Variants in ARHGAP44 observed in about 807,000 individuals in gnomAD.
The protein encoded by ARHGAP44 is rho GTPase-activating protein 44.
A neutral mutation model predicts 106.8 loss-of-function variants in ARHGAP44; 43 were observed. That is an observed-to-expected ratio of 0.40 (90% confidence interval 0.32 to 0.52). The LOEUF (loss-of-function observed/expected upper bound fraction) is 0.52. Among genes scored for constraint, ARHGAP44 ranks in the 20% least tolerant of loss-of-function variants. ARHGAP44 has a pLI of 0.48. For synonymous variants in ARHGAP44, 439 were observed against 410.3 expected, an observed-to-expected ratio of 1.07 and a Z score of -0.85; for missense variants, 866 against 1,050.5, an observed-to-expected ratio of 0.82 and a Z score of 2.43.
At chr17:12,897,544 A>G (rs1236108650) in intron 3 of ARHGAP44, among the ~76,000 whole-genome samples, 2 of 151,970 alleles carry the variant, frequency 1.3e-5, no homozygotes, top group Non-Finnish European at 2.9e-5. Flanking sequence ...TATCTATAGA[A>G]ATAATTCTGC....
intron 1 of ARHGAP44, among the ~76,000 whole-genome samples, chr17:12,845,806 A>G (rs541101042): frequency 3.3e-5 from 5 of 149,812 alleles, no homozygotes; most frequent in East Asian, 1.9e-4. Flanking sequence ...GATATTTACA[A>G]CACACACACG....
At chr17:12,792,959 G>A (rs547137431) in intron 1 of ARHGAP44, among the ~76,000 whole-genome samples, 2 of 152,284 alleles carry the variant, frequency 1.3e-5, no homozygotes, top group East Asian at 1.9e-4. Flanking sequence ...TAGTCTGCAC[G>A]TGTTCCTTCT....
intron 5 of ARHGAP44, among the ~76,000 whole-genome samples, 181 bp from the exon 6 acceptor site, chr17:12,919,574 C>T (rs555882802): frequency 9.2e-5 from 14 of 152,080 alleles, no homozygotes; most frequent in South Asian, 8.3e-4. Flanking sequence ...TTAGTAGAGT[C>T]GGAGTTTCGC....
At chr17:12,924,906 C>T (rs1469885610) in intron 6 of ARHGAP44, among the ~76,000 whole-genome samples, 1 of 152,098 alleles carries the variant, frequency 6.6e-6, no homozygotes, top group African/African-American at 2.4e-5. Context: ...TTATGGAAGC[C>T]CTACCTTCTT....
At chr17:12,932,126 T>G (rs776617177) in intron 7 of ARHGAP44, among the ~76,000 whole-genome samples, 32 of 152,192 alleles carry the variant, frequency 2.1e-4, no homozygotes, top group Admixed American at 1.5e-3. Context: ...GAAATTGCAT[T>G]TTACATTTCA....
At chr17:12,886,047 G>T (rs999511343) in intron 1 of ARHGAP44, among the ~76,000 whole-genome samples, 2 of 152,040 alleles carry the variant, frequency 1.3e-5, no homozygotes, top group African/African-American at 4.8e-5. Context: ...ATGGGCCAGG[G>T]TTCATAGTTT....
At chr17:12,818,802 T>C (rs527742282) in intron 1 of ARHGAP44, among the ~76,000 whole-genome samples, 1 of 152,176 alleles carries the variant, frequency 6.6e-6, no homozygotes, top group South Asian at 2.1e-4. Context: ...AGACATAGCA[T>C]ATTCGAGATT....
chr17:12,943,520 T>A, intron 8 of ARHGAP44, 68 bp from the exon 9 acceptor site: 1 of 1,502,630 alleles, frequency 6.7e-7, no homozygotes, highest in South Asian at 1.1e-5. Context: ...TGCAAAATGC[T>A]TTGCATGCCA....
chr17:12,824,822 GTGT>G (rs546395951), intron 1 of ARHGAP44, among the ~76,000 whole-genome samples: 104 of 151,604 alleles, frequency 6.9e-4, no homozygotes, highest in African/African-American at 2.5e-3. Context: ...CCTTCTGCTT[GTGT>G]TGTTCTCTGC....
chr17:12,887,641 A>G (rs1256013846), intron 1 of ARHGAP44, among the ~76,000 whole-genome samples: 1 of 151,452 alleles, frequency 6.6e-6, no homozygotes, highest in Non-Finnish European at 1.5e-5. Flanking sequence ...AAGTAGTATT[A>G]GATTCATAAA....
chr17:12,894,994 G>T lies in ARHGAP44; in HGVS notation c.93+15G>T. On this transcript the variant is annotated intron_variant, in intron 2 of 20. Coordinates refer to ENST00000379672, the MANE Select transcript of ARHGAP44 (RefSeq NM_014859.6). The stretch of plus-strand genomic sequence containing the variant: ...ACCTTCTTCAGGTAAGGCGGCCATT[G>T]ACACTGGCTCACAGATACCAGAGAT... 6.3e-7 allele frequency: 1 copy of T among 1,579,656 alleles called. No individual in the cohort carries two copies. Among genetic ancestry groups the T allele is most frequent in the South Asian group, 1.2e-5 (1 of 86,078 alleles).
chr17:12,984,879 G>A lies in ARHGAP44; in HGVS notation c.2288G>A (p.Gly763Asp), dbSNP rs868357275. 2.5e-5 allele frequency: 40 copies of A among 1,613,040 alleles called. 3 individuals carry two copies. In the Middle Eastern group the frequency reaches 4.4e-3, roughly 179 times the overall value. The change falls in exon 20 of 21, where the codon GGC becomes GAC. Residue 763 changes from glycine (G) to aspartate (D), a missense_variant. By Grantham distance (94) the Gly-to-Asp change is moderately conservative. Around this residue, in one of 2 missense-constraint regions of ARHGAP44, gnomAD observed 418 missense variants for 403.6 expected, o/e 1.04. Transcript: ENST00000379672. ...PQSTEAPMLD[G>D]MSPGESMSTD... ...TCCACGGAGGCCCCCATGCTAGATG[G>A]CATGTCCCCTGGGGAAAGCATGTCT...
intron 10 of ARHGAP44, among the ~76,000 whole-genome samples, chr17:12,946,504 A>T (rs2038855300): frequency 6.7e-6 from 1 of 149,016 alleles, no homozygotes; most frequent in South Asian, 2.1e-4. Context: ...GAAATTAGTT[A>T]AAAAATATAA....
chr17:12,790,009 C>T, intron 1 of ARHGAP44, 118 bp downstream of exon 1: 2 of 969,430 alleles, frequency 2.1e-6, no homozygotes, highest in East Asian at 3.3e-5. Context: ...CTTTCCCCTG[C>T]ACCAGCTCCC....
intron 1 of ARHGAP44, among the ~76,000 whole-genome samples, chr17:12,891,623 C>G (rs1282902585): frequency 1.3e-5 from 2 of 152,146 alleles, no homozygotes; most frequent in African/African-American, 4.8e-5. Flanking sequence ...AAGTTTTCAA[C>G]ATGTGAACTT....
At chr17:12,812,400 A>C (rs1340553860) in intron 1 of ARHGAP44, among the ~76,000 whole-genome samples, 1 of 152,200 alleles carries the variant, frequency 6.6e-6, no homozygotes, top group African/African-American at 2.4e-5. Flanking sequence ...GGAAGATTTA[A>C]GCTAGCAAAG....
chr17:12,926,172 C>T (rs1377010906), intron 6 of ARHGAP44, among the ~76,000 whole-genome samples: 1 of 151,844 alleles, frequency 6.6e-6, no homozygotes, highest in Non-Finnish European at 1.5e-5. Context: ...CAAGACTAAC[C>T]TGACCAACAT....
intron 3 of ARHGAP44, among the ~76,000 whole-genome samples, chr17:12,902,612 A>G (rs1033298813): frequency 6.6e-6 from 1 of 152,142 alleles, no homozygotes; most frequent in African/African-American, 2.4e-5. Flanking sequence ...GTCTGTGAAT[A>G]TTTTAGGCAC....
At chr17:12,933,036 T>C (rs1380222272) in intron 7 of ARHGAP44, among the ~76,000 whole-genome samples, 2 of 152,220 alleles carry the variant, frequency 1.3e-5, no homozygotes, top group African/African-American at 4.8e-5. Flanking sequence ...GGGAGTCTCA[T>C]TTGTGTGCTG....
Sources: allele counts gnomAD v4.1 joint callset (sites outside exome capture counted in the v4.1 genomes callset), GRCh38; gene constraint gnomAD v4.1.1; regional missense constraint gnomAD v4.1.1; transcripts MANE v1.5; gene names NCBI Gene and HGNC (gene_info 2026-07-23, HGNC 2026-07-21).